Variants in PDLIM5 observed in about 807,000 individuals in gnomAD.
PDLIM5 encodes PDZ and LIM domain protein 5.
Under a neutral mutation model 64.2 loss-of-function variants are expected in PDLIM5, and 34 were observed. The ratio of observed to expected loss-of-function variants is 0.53; its 90% CI spans 0.40 to 0.71. The LOEUF is 0.71. PDLIM5 is among the 30% of genes least tolerant of loss of function. The pLI, the probability that PDLIM5 is intolerant of heterozygous loss-of-function variation, is 0.00. For synonymous variants in PDLIM5, 253 were observed against 269.1 expected, an observed-to-expected ratio of 0.94 and a Z score of 0.59; for missense variants, 683 against 733.6, an observed-to-expected ratio of 0.93 and a Z score of 0.80.
At chr4:94,482,319 G>A (rs549438468) in intron 2 of PDLIM5, among the ~76,000 whole-genome samples, 2 of 152,214 alleles carry the variant, frequency 1.3e-5, no homozygotes, top group South Asian at 2.1e-4. Flanking sequence ...ACAGGTGTGA[G>A]CCACTGCACC....
chr4:94,626,848 A>G (rs980019049), intron 8 of PDLIM5, among the ~76,000 whole-genome samples: 1 of 151,962 alleles, frequency 6.6e-6, no homozygotes, highest in Non-Finnish European at 1.5e-5. Context: ...TGATTAGATC[A>G]AAGACTGAAT....
rs77704861 is a variant in PDLIM5, at chr4:94,602,064, T to C, written c.920+15620T>C. 6.1e-3 allele frequency among the ~76,000 whole-genome samples: 926 copies of C among 152,334 alleles called. 11 individuals carry two copies. The highest frequency in any genetic ancestry group is 0.021 in the African/African-American group (867 of 41,568). Reference sequence around the variant, plus strand: ...TCTAGTTTCTGCTTAGCAATATTATTACATAAAAGTTTGCTTTGTGGAAGT... The same window carrying C: ...TCTAGTTTCTGCTTAGCAATATTATCACATAAAAGTTTGCTTTGTGGAAGT... On this transcript the variant is annotated intron_variant, in intron 7 of 12. Transcript: ENST00000317968.
chr4:94,550,203 T>C (rs185079141), intron 3 of PDLIM5, among the ~76,000 whole-genome samples: 1 of 152,290 alleles, frequency 6.6e-6, no homozygotes, highest in African/African-American at 2.4e-5. Flanking sequence ...ATCTCCCTTG[T>C]CTTAAATATT....
intron 3 of PDLIM5, among the ~76,000 whole-genome samples, chr4:94,556,857 C>T (rs1437460449): frequency 6.6e-6 from 1 of 152,068 alleles, no homozygotes; most frequent in Non-Finnish European, 1.5e-5. Flanking sequence ...CTGTAGGTTG[C>T]CTGTTCACTC....
chr4:94,654,780 A>G (rs1742086719), intron 10 of PDLIM5, 140 bp downstream of exon 10: 3 of 600,100 alleles, frequency 5.0e-6, no homozygotes, highest in Non-Finnish European at 8.8e-6. Flanking sequence ...TATTATTGTA[A>G]AGCAAAACTA....
chr4:94,466,624 A>C (rs1724391108), intron 2 of PDLIM5, among the ~76,000 whole-genome samples: 1 of 152,182 alleles, frequency 6.6e-6, no homozygotes, highest in Non-Finnish European at 1.5e-5. Flanking sequence ...TTCAGCAAAA[A>C]TGTTAAGGGT....
intron 9 of PDLIM5, among the ~76,000 whole-genome samples, chr4:94,642,006 T>C (rs2110461909): frequency 6.6e-6 from 1 of 152,346 alleles, no homozygotes; most frequent in South Asian, 2.1e-4. Flanking sequence ...ATCTGGTATG[T>C]TGCTGCTTTA....
At chr4:94,558,761 A>G (rs1171369714) in intron 3 of PDLIM5, among the ~76,000 whole-genome samples, 2 of 151,944 alleles carry the variant, frequency 1.3e-5, no homozygotes, top group African/African-American at 4.8e-5. Context: ...GAAATAATAA[A>G]TCAGTTCCCT....
chr4:94,587,400 G>C, intron 7 of PDLIM5: 1 of 1,078,892 alleles, frequency 9.3e-7, no homozygotes, highest in Non-Finnish European at 1.1e-6. Flanking sequence ...AGTTGAATTT[G>C]GTTAGTTGGT....
intron 8 of PDLIM5, among the ~76,000 whole-genome samples, chr4:94,636,982 A>G (rs987206280): frequency 8.5e-5 from 13 of 152,270 alleles, no homozygotes; most frequent in East Asian, 7.7e-4. Flanking sequence ...TGAAACTTCT[A>G]TGGGCTTTAC....
chr4:94,505,714 A>G (rs1728332826), intron 2 of PDLIM5, among the ~76,000 whole-genome samples: 1 of 152,228 alleles, frequency 6.6e-6, no homozygotes, highest in Admixed American at 6.5e-5. Context: ...GTTACAAAAC[A>G]GTACAGACGA....
chr4:94,579,229 C>T (rs952480735), intron 5 of PDLIM5: 9 of 207,544 alleles, frequency 4.3e-5, no homozygotes, highest in Non-Finnish European at 7.7e-5. Context: ...TTCTTTACTA[C>T]TCTCCTTACT....
chr4:94,642,718 C>G (rs1741092676), intron 9 of PDLIM5, among the ~76,000 whole-genome samples: 1 of 151,574 alleles, frequency 6.6e-6, no homozygotes, highest in African/African-American at 2.4e-5. Context: ...GTGGTCAGTT[C>G]AGAGGCCTAG....
At chr4:94,522,216 T>C (rs1218161510) in intron 2 of PDLIM5, among the ~76,000 whole-genome samples, 4 of 152,202 alleles carry the variant, frequency 2.6e-5, no homozygotes, top group Admixed American at 1.3e-4. Context: ...GATAACCTGA[T>C]AGCATAAGTG....
chr4:94,505,479 G>C (rs2510797), intron 2 of PDLIM5, among the ~76,000 whole-genome samples: 85,917 of 151,950 alleles, frequency 0.57, 26,210 homozygotes, highest in African/African-American at 0.81. Flanking sequence ...CCAGGCTGAT[G>C]TTGAACTTCT....
chr4:94,595,569 AT>A, intron 7 of PDLIM5, among the ~76,000 whole-genome samples: 1 of 152,326 alleles, frequency 6.6e-6, no homozygotes, highest in East Asian at 1.9e-4. Context: ...TTCATTGAAA[AT>A]TTAGGAAGCA....
chr4:94,542,372 A>G (rs1731898354), intron 3 of PDLIM5, among the ~76,000 whole-genome samples: 1 of 150,770 alleles, frequency 6.6e-6, no homozygotes, highest in African/African-American at 2.5e-5. Flanking sequence ...TTGCTCTCCA[A>G]CACAAGATGG....
At chr4:94,663,804 A>G (rs1435308226) in intron 12 of PDLIM5, among the ~76,000 whole-genome samples, 174 bp from the exon 13 acceptor site, 5 of 152,222 alleles carry the variant, frequency 3.3e-5, no homozygotes, top group East Asian at 3.9e-4. Context: ...TTGAAAGATT[A>G]TATCTAATGT....
intron 2 of PDLIM5, among the ~76,000 whole-genome samples, chr4:94,463,949 A>T (rs768913924): frequency 3.9e-5 from 6 of 152,216 alleles, no homozygotes; most frequent in Non-Finnish European, 7.3e-5. Flanking sequence ...AGGCATTGTG[A>T]AGGTATACTA....
Sources: allele counts gnomAD v4.1 joint callset (sites outside exome capture counted in the v4.1 genomes callset), GRCh38; gene constraint gnomAD v4.1.1; transcripts MANE v1.5; gene names NCBI Gene and HGNC (gene_info 2026-07-23, HGNC 2026-07-21).